ATP6V0E1: variants seen among roughly 807,000 people sequenced by gnomAD.
The protein encoded by ATP6V0E1 is V-type proton ATPase subunit e 1.
In ATP6V0E1, 4 loss-of-function variants were observed where a neutral mutation model predicts 11.6. The ratio of observed to expected loss-of-function variants is 0.35; its 90% confidence interval spans 0.17 to 0.79. ATP6V0E1 has a LOEUF of 0.79. Ranked by LOEUF, ATP6V0E1 falls within the 30% of genes least tolerant of loss-of-function variation. ATP6V0E1 has a pLI of 0.54. For synonymous variants in ATP6V0E1, 36 were observed against 34.8 expected, an observed-to-expected ratio of 1.04 and a Z score of -0.13; for missense variants, 105 against 100.0, an observed-to-expected ratio of 1.05 and a Z score of -0.21.
intron 2 of ATP6V0E1, among the ~76,000 whole-genome samples, chr5:172,995,593 A>AT (rs776211826): frequency 8.5e-5 from 13 of 152,122 alleles, no homozygotes; most frequent in Non-Finnish European, 1.8e-4. Flanking sequence ...TATTGATCAC[A>AT]TACCATAAAA....
At chr5:173,003,033 T>C (rs1050380286) in intron 2 of ATP6V0E1, among the ~76,000 whole-genome samples, 3 of 152,102 alleles carry the variant, frequency 2.0e-5, no homozygotes, top group Non-Finnish European at 2.9e-5. Context: ...TTTTCTTTCT[T>C]TTTTTTAAGT....
intron 2 of ATP6V0E1, among the ~76,000 whole-genome samples, chr5:173,000,198 G>A (rs191696769): frequency 1.7e-3 from 256 of 152,208 alleles, no homozygotes; most frequent in Non-Finnish European, 2.0e-3. Context: ...GATTCCGTGA[G>A]GCTCAACTTG....
intron 1 of ATP6V0E1, among the ~76,000 whole-genome samples, chr5:172,991,119 C>T (rs1755972486): frequency 6.6e-6 from 1 of 152,126 alleles, no homozygotes; most frequent in Non-Finnish European, 1.5e-5. Flanking sequence ...ATCCAGCTAA[C>T]TCCCCTTTTT....
chr5:172,999,108 C>T (rs1756115467), intron 2 of ATP6V0E1, among the ~76,000 whole-genome samples: 1 of 152,024 alleles, frequency 6.6e-6, no homozygotes. Context: ...TGCACTCCAG[C>T]CTGGACAACA....
chr5:173,011,357 T>A (rs974646772), intron 2 of ATP6V0E1, among the ~76,000 whole-genome samples: 15 of 151,806 alleles, frequency 9.9e-5, no homozygotes, highest in Non-Finnish European at 1.3e-4. Flanking sequence ...GAAAAAAAAT[T>A]TTTTTTTATA....
intron 3 of ATP6V0E1, chr5:173,021,021 G>A: frequency 6.6e-6 from 3 of 457,746 alleles, no homozygotes; most frequent in Non-Finnish European, 1.3e-5. Flanking sequence ...CATGAGACTG[G>A]GTAATTTATA....
In ATP6V0E1 at chr5:173,007,630, T is replaced by A. The variant is rs1393755387; in HGVS notation, c.153-12608T>A. Among the ~76,000 whole-genome samples, 3 of 152,160 alleles carry A rather than the reference T, an allele frequency of 2.0e-5. No homozygotes were observed. The East Asian group carries it at 5.8e-4, about 29-fold the overall frequency. Reference sequence around the variant, plus strand: ...AATAGGTTGAGAGAGATTTCAGAATTATTATTATGGCAAAAGAGTTACTAA... The same window carrying A: ...AATAGGTTGAGAGAGATTTCAGAATAATTATTATGGCAAAAGAGTTACTAA... On this transcript the variant is annotated intron_variant, in intron 2 of 3. Coordinates refer to ENST00000519374, the MANE Select transcript of ATP6V0E1 (RefSeq NM_003945.4).
intron 2 of ATP6V0E1, among the ~76,000 whole-genome samples, chr5:173,013,247 A>G (rs1485682889): frequency 2.0e-5 from 3 of 152,008 alleles, no homozygotes; most frequent in Non-Finnish European, 2.9e-5. Flanking sequence ...ATATTAAACT[A>G]AAAAGCTCTG....
At position 173,020,356 on chromosome 5, in the gene ATP6V0E1, T is replaced by A; in HGVS notation, c.*25T>A. The A allele has an allele frequency of 6.4e-7, 1 of 1,556,058 alleles. No individual in the cohort carries two copies. The highest frequency in any genetic ancestry group is 1.1e-5 in the South Asian group (1 of 89,748). ...AGGAAGAAGACATGCTCTACAGTGCTCAGTCTTTGAGGTGACTATGCTTGT... is the reference window on the plus strand; with the variant it reads ...AGGAAGAAGACATGCTCTACAGTGCACAGTCTTTGAGGTGACTATGCTTGT... On this transcript the variant is annotated 3_prime_UTR_variant, in exon 3 of 4. Transcript: ENST00000519374.
rs546785461 is a variant in ATP6V0E1 at position 173,022,690 on chromosome 5, G to GT, written c.*36+2324dup. ...GTCTCTGTCACCCAGCTGGAATGCA[G>GT]TGGCACCATCATGGCTTACTGCAGC... is the stretch of plus-strand genomic sequence containing the variant. On this transcript the variant is annotated intron_variant, in intron 3 of 3. Coordinates refer to ENST00000519374, the MANE Select transcript of ATP6V0E1 (RefSeq NM_003945.4). Among the ~76,000 whole-genome samples, 901 of 152,086 alleles carry GT rather than the reference G, an allele frequency of 5.9e-3. 14 individuals carry two copies. The highest frequency in any genetic ancestry group is 0.02 in the African/African-American group (847 of 41,486).
chr5:172,984,476 G>T (rs576035939), intron 1 of ATP6V0E1, among the ~76,000 whole-genome samples: 2 of 152,196 alleles, frequency 1.3e-5, no homozygotes, highest in Non-Finnish European at 2.9e-5. Context: ...GCCAGGAGGC[G>T]GTTGGGGCCT....
At position 172,993,538 on chromosome 5, in the gene ATP6V0E1, G is replaced by A. The variant is rs141838561; in HGVS notation, c.105-1237G>A. 5.2e-3 allele frequency among the ~76,000 whole-genome samples: 786 copies of A among 151,494 alleles called. 10 individuals are homozygous for A. The highest frequency in any genetic ancestry group is 0.018 in the African/African-American group (733 of 41,310). On this transcript the variant is annotated intron_variant, in intron 1 of 3. Coordinates refer to ENST00000519374, the MANE Select transcript of ATP6V0E1 (RefSeq NM_003945.4). ...AAAAAAGACACACAGAACTTCTAAA[G>A]GATGAGTTAAAAATAAAGAAAAATA...
chr5:173,024,042 A>G (rs1289864885), intron 3 of ATP6V0E1, among the ~76,000 whole-genome samples: 1 of 151,524 alleles, frequency 6.6e-6, no homozygotes, highest in Non-Finnish European at 1.5e-5. Flanking sequence ...TAACAATACA[A>G]AAAAAATTAG....
chr5:173,002,125 C>A (rs1245011210), intron 2 of ATP6V0E1, among the ~76,000 whole-genome samples: 1 of 152,176 alleles, frequency 6.6e-6, no homozygotes, highest in Non-Finnish European at 1.5e-5. Flanking sequence ...TCCTCTCCAC[C>A]CCAGATTATT....
intron 2 of ATP6V0E1, among the ~76,000 whole-genome samples, chr5:173,013,893 C>T (rs1756366735): frequency 6.6e-6 from 1 of 152,098 alleles, no homozygotes; most frequent in Non-Finnish European, 1.5e-5. Context: ...GTGGCTCATG[C>T]CTATAATCCC....
intron 2 of ATP6V0E1, among the ~76,000 whole-genome samples, chr5:173,007,077 G>A (rs1396211595): frequency 1.3e-5 from 2 of 152,156 alleles, no homozygotes; most frequent in African/African-American, 4.8e-5. Flanking sequence ...CAAAAATAGG[G>A]TATATTCCTT....
intron 2 of ATP6V0E1, among the ~76,000 whole-genome samples, chr5:173,012,857 T>A (rs1186862686): frequency 6.6e-6 from 1 of 151,218 alleles, no homozygotes; most frequent in African/African-American, 2.4e-5. Context: ...TAGGCAAAAG[T>A]TTTATGACTA....
chr5:172,998,782 T>C (rs1442368362), intron 2 of ATP6V0E1, among the ~76,000 whole-genome samples: 18 of 152,206 alleles, frequency 1.2e-4, no homozygotes, highest in Admixed American at 1.1e-3. Context: ...GAAAAGGCCT[T>C]TGTTTTTATT....
At chr5:172,994,901 T>G in intron 2 of ATP6V0E1, 79 bp downstream of exon 2, 1 of 1,128,194 alleles carries the variant, frequency 8.9e-7, no homozygotes, top group Non-Finnish European at 1.3e-6. Context: ...TTGGAGCTCA[T>G]CCCTCATGTA....
Sources: gnomAD v4.1 joint callset for allele counts (sites outside exome capture counted in the v4.1 genomes callset) on GRCh38, gnomAD v4.1.1 for gene constraint, MANE v1.5 for transcripts, NCBI Gene and HGNC (gene_info 2026-07-23, HGNC 2026-07-21) for gene names.